Variants in TAFA1 observed in about 807,000 individuals in gnomAD.
TAFA1 encodes TAFA chemokine like family member 1, also known as chemokine-like protein TAFA-1.
In TAFA1, 4 loss-of-function variants were observed where a neutral mutation model predicts 18.5. The observed-to-expected ratio is 0.22, with a 90% CI of 0.11 to 0.49. The LOEUF (loss-of-function observed/expected upper bound fraction) is 0.49. Among genes scored for constraint, TAFA1 ranks in the 20% least tolerant of loss-of-function variants. The pLI, the probability that TAFA1 is intolerant of heterozygous loss-of-function variation, is 0.98. For synonymous variants in TAFA1, 56 were observed against 55.2 expected, an observed-to-expected ratio of 1.01 and a Z score of -0.06; for missense variants, 147 against 169.0, an observed-to-expected ratio of 0.87 and a Z score of 0.72.
At chr3:68,247,116 A>G (rs548187781) in intron 2 of TAFA1, among the ~76,000 whole-genome samples, 3 of 152,194 alleles carry the variant, frequency 2.0e-5, no homozygotes, top group East Asian at 1.9e-4. Context: ...CTGACTCTCT[A>G]TCCTCCCTCT....
chr3:68,416,831 C>T (rs1303841980), intron 2 of TAFA1, among the ~76,000 whole-genome samples: 1 of 152,142 alleles, frequency 6.6e-6, no homozygotes, highest in African/African-American at 2.4e-5. Flanking sequence ...AGTAGGCAGG[C>T]AATGGAAGGA....
At chr3:68,279,956 T>A (rs1559597002) in intron 2 of TAFA1, among the ~76,000 whole-genome samples, 1 of 152,134 alleles carries the variant, frequency 6.6e-6, no homozygotes, top group Admixed American at 6.6e-5. Context: ...CTGATTGGAG[T>A]CTTGCATAGT....
At chr3:68,329,693 G>T (rs1447954117) in intron 2 of TAFA1, among the ~76,000 whole-genome samples, 2 of 152,154 alleles carry the variant, frequency 1.3e-5, no homozygotes, top group Non-Finnish European at 2.9e-5. Context: ...CTAGCTGCTG[G>T]TTAACCTTAC....
intron 2 of TAFA1, among the ~76,000 whole-genome samples, chr3:68,037,054 A>G (rs1347142001): frequency 6.6e-6 from 1 of 152,154 alleles, no homozygotes; most frequent in Non-Finnish European, 1.5e-5. Flanking sequence ...CAGCCATGAC[A>G]TAGAGCTATG....
At chr3:68,219,072 A>ATCCT (rs1256233431) in intron 2 of TAFA1, among the ~76,000 whole-genome samples, 1 of 152,064 alleles carries the variant, frequency 6.6e-6, no homozygotes. Context: ...TACCATTAGA[A>ATCCT]ATCCTCTTCA....
chr3:68,179,150 A>G (rs2066164401), intron 2 of TAFA1, among the ~76,000 whole-genome samples: 1 of 152,220 alleles, frequency 6.6e-6, no homozygotes, highest in Admixed American at 6.5e-5. Flanking sequence ...TCATAATTTC[A>G]TTAGGCTATA....
At chr3:68,054,133 T>C (rs2064504772) in intron 2 of TAFA1, among the ~76,000 whole-genome samples, 1 of 152,286 alleles carries the variant, frequency 6.6e-6, no homozygotes, top group Middle Eastern at 3.4e-3. Context: ...TTGCTATAGT[T>C]TGGATGCTTG....
At chr3:68,382,043 GT>G (rs1470561625) in intron 2 of TAFA1, among the ~76,000 whole-genome samples, 1 of 152,084 alleles carries the variant, frequency 6.6e-6, no homozygotes, top group Non-Finnish European at 1.5e-5. Context: ...TAATCATGTG[GT>G]TTTTGTCTTT....
intron 2 of TAFA1, among the ~76,000 whole-genome samples, chr3:68,384,900 C>A (rs1430677322): frequency 6.6e-6 from 1 of 151,912 alleles, no homozygotes; most frequent in Non-Finnish European, 1.5e-5. Flanking sequence ...TGAATTCAAC[C>A]CTTTACCATT....
chr3:68,391,022 C>T (rs533387792), intron 2 of TAFA1, among the ~76,000 whole-genome samples: 18 of 152,144 alleles, frequency 1.2e-4, no homozygotes, highest in East Asian at 3.9e-4. Flanking sequence ...GATGAATTGA[C>T]GGAAGTAGGC....
intron 2 of TAFA1, among the ~76,000 whole-genome samples, chr3:68,245,835 A>C (rs2067066794): frequency 6.6e-6 from 1 of 152,222 alleles, no homozygotes; most frequent in Non-Finnish European, 1.5e-5. Context: ...GTGTTTTGCG[A>C]AATGTATAAG....
At chr3:68,543,511 G>C (rs2106798538) in intron 4 of TAFA1, among the ~76,000 whole-genome samples, 1 of 152,204 alleles carries the variant, frequency 6.6e-6, no homozygotes, top group African/African-American at 2.4e-5. Flanking sequence ...GAAGACCCCA[G>C]ATTGCACAAT....
intron 3 of TAFA1, among the ~76,000 whole-genome samples, chr3:68,458,809 A>G (rs2071717070): frequency 6.6e-6 from 1 of 150,872 alleles, no homozygotes; most frequent in Admixed American, 6.6e-5. Flanking sequence ...TTTAAACTGT[A>G]TCACTACTTC....
At chr3:68,285,585 T>TA (rs1173340770) in intron 2 of TAFA1, among the ~76,000 whole-genome samples, 3 of 152,122 alleles carry the variant, frequency 2.0e-5, no homozygotes, top group Non-Finnish European at 2.9e-5. Context: ...TGACTTTATA[T>TA]AAAAAACCTT....
chr3:68,333,780 G>A (rs540443758), intron 2 of TAFA1, among the ~76,000 whole-genome samples: 7 of 152,276 alleles, frequency 4.6e-5, no homozygotes, highest in Non-Finnish European at 1.0e-4. Flanking sequence ...CACCACAAGT[G>A]TTCATTAATG....
chr3:68,536,774 C>T (rs114290372), intron 3 of TAFA1, among the ~76,000 whole-genome samples: 1,531 of 152,216 alleles, frequency 0.01, 5 homozygotes, highest in Non-Finnish European at 0.017. Flanking sequence ...TGCCAGCTTC[C>T]TATTGTGGTC....
chr3:68,489,628 G>T (rs1282555962), intron 3 of TAFA1, among the ~76,000 whole-genome samples: 1 of 152,046 alleles, frequency 6.6e-6, no homozygotes, highest in Non-Finnish European at 1.5e-5. Context: ...CTTTTTCACT[G>T]TGTTGACATT....
intron 2 of TAFA1, among the ~76,000 whole-genome samples, chr3:68,346,725 C>T (rs753469891): frequency 3.3e-5 from 5 of 152,156 alleles, no homozygotes; most frequent in African/African-American, 4.8e-5. Context: ...AGGCTTCAAG[C>T]GACAAAGTAA....
intron 2 of TAFA1, among the ~76,000 whole-genome samples, chr3:68,379,221 T>C (rs1347291230): frequency 5.9e-5 from 9 of 152,184 alleles, no homozygotes; most frequent in Non-Finnish European, 5.9e-5. Context: ...TGTGAGATGG[T>C]ATTTCATGGT....
Sources: allele counts gnomAD v4.1 joint callset (sites outside exome capture counted in the v4.1 genomes callset), GRCh38; gene constraint gnomAD v4.1.1; transcripts MANE v1.5; gene names NCBI Gene and HGNC (gene_info 2026-07-23, HGNC 2026-07-21).